Variants in HENMT1 observed in about 807,000 individuals in gnomAD.
HENMT1 encodes small RNA 2'-O-methyltransferase.
HENMT1 carries 27 observed loss-of-function variants against 31.1 expected under a neutral mutation model. The ratio of observed to expected loss-of-function variants is 0.87; its 90% CI spans 0.64 to 1.20. The LOEUF (loss-of-function observed/expected upper bound fraction) is 1.20. HENMT1 is among the 50% of genes most tolerant of loss of function. HENMT1 has a pLI of 0.00. For synonymous variants in HENMT1, 167 were observed against 172.2 expected, an observed-to-expected ratio of 0.97 and a Z score of 0.24; for missense variants, 438 against 469.6, an observed-to-expected ratio of 0.93 and a Z score of 0.62.
intron 4 of HENMT1, 71 bp downstream of exon 4, chr1:108,655,515 C>G: frequency 1.2e-6 from 1 of 840,054 alleles, no homozygotes; most frequent in East Asian, 2.9e-5. Flanking sequence ...ATAAAATCAA[C>G]ACTTTCTCTA....
chr1:108,658,042 T>C (rs1038988734), intron 2 of HENMT1, among the ~76,000 whole-genome samples: 2 of 124,594 alleles, frequency 1.6e-5, no homozygotes, highest in Non-Finnish European at 3.2e-5. Flanking sequence ...CACACACATA[T>C]ATATACACAC....
intron 2 of HENMT1, among the ~76,000 whole-genome samples, chr1:108,659,111 G>C (rs1418250074): frequency 2.0e-5 from 3 of 152,036 alleles, no homozygotes; most frequent in Non-Finnish European, 4.4e-5. Flanking sequence ...TACATATTTT[G>C]TACTTCTGCG....
chr1:108,648,621 C>G lies in HENMT1; in HGVS notation c.1127G>C (p.Gly376Ala). 1.2e-6 allele frequency: 2 copies of G among 1,614,236 alleles called. No homozygotes were observed. Among genetic ancestry groups the G allele is most frequent in the Non-Finnish European group, 1.7e-6 (2 of 1,180,022 alleles). The change falls in exon 8 of 8, where the codon GGT (glycine) becomes GCT (alanine). Residue 376 changes from glycine (G) to alanine (A), a missense_variant. Coordinates refer to ENST00000651461, the MANE Select transcript of HENMT1 (RefSeq NM_001102592.2). ...IADSIPLSSD[G>A]SAVVADLRNY... is the part of the protein sequence containing the mutation. ...ACGCAGGTCAGCCACCACTGCAGAA[C>G]CATCACTGCTCAGAGGAATTGAGTC...
intron 1 of HENMT1, among the ~76,000 whole-genome samples, 155 bp from the exon 2 acceptor site, chr1:108,660,117 T>C (rs1412554612): frequency 1.5e-5 from 1 of 68,776 alleles, no homozygotes; most frequent in Non-Finnish European, 2.8e-5. Flanking sequence ...CACCTCTGAG[T>C]ACTCAAAAAA....
At chr1:108,649,078 G>T (rs1315884429) in intron 7 of HENMT1, 87 bp from the exon 8 acceptor site, 3 of 1,088,440 alleles carry the variant, frequency 2.8e-6, no homozygotes, top group African/African-American at 3.2e-5. Context: ...TTTTTGCCAT[G>T]TAAGAATAAA....
rs768326259 is a variant in HENMT1 at position 108,659,827 on chromosome 1, T to TA, written c.21+36dup. 8.6e-6 allele frequency: 11 copies of TA among 1,285,548 alleles called. No homozygotes were observed. The South Asian group carries it at 1.2e-4, about 14-fold the overall frequency. The allele number at this position is 1,285,548 out of a possible 1,614,324, so 79.6% of individuals were successfully genotyped here. On this transcript the variant is annotated intron_variant, in intron 2 of 7. Coordinates refer to ENST00000651461, the MANE Select transcript of HENMT1 (RefSeq NM_001102592.2). ...CACAATACATCCAGGTGATAATTCT[T>TA]AAGAGTCAAAGACGCAGCTAAGAAG...
rs148735849 is a variant in HENMT1, at chr1:108,648,597, C to G, written c.1151G>C (p.Arg384Pro). 1.2e-6 allele frequency: 2 copies of G among 1,613,774 alleles called. No homozygotes were observed. The highest frequency in any genetic ancestry group is 1.7e-6 in the Non-Finnish European group (2 of 1,179,726). The change falls in exon 8 of 8, where the codon CGT becomes CCT. Residue 384 changes from arginine to proline, a missense_variant. Coordinates refer to ENST00000651461, the MANE Select transcript of HENMT1 (RefSeq NM_001102592.2). ...SDGSAVVADL[R>P]NYFDEQFEF Reference sequence around the variant, plus strand: ...CTCAAACTGTTCATCAAAATAATTACGCAGGTCAGCCACCACTGCAGAACC... The same window carrying G: ...CTCAAACTGTTCATCAAAATAATTAGGCAGGTCAGCCACCACTGCAGAACC...
upstream of HENMT1, chr1:108,661,132 G>A: frequency 2.5e-6 from 1 of 396,102 alleles, no homozygotes; most frequent in Non-Finnish European, 3.4e-6. Flanking sequence ...TACCGCCGCG[G>A]CTACGCCGGC....
intron 4 of HENMT1, 41 bp from the exon 5 acceptor site, chr1:108,654,891 A>G: frequency 6.2e-7 from 1 of 1,602,616 alleles, no homozygotes; most frequent in African/African-American, 1.3e-5. Context: ...AACATTATCT[A>G]TTTAAAAATT....
chr1:108,649,591 C>G (rs114909932), intron 7 of HENMT1, among the ~76,000 whole-genome samples: 3,626 of 152,148 alleles, frequency 0.024, 157 homozygotes, highest in African/African-American at 0.083. Flanking sequence ...ACTCCAGCCT[C>G]GGTGACAGAA....
intron 7 of HENMT1, 122 bp from the exon 8 acceptor site, chr1:108,649,113 T>TC (rs1383610958): frequency 9.6e-6 from 7 of 729,840 alleles, no homozygotes; most frequent in Non-Finnish European, 1.5e-5. Flanking sequence ...ATATGTCAGA[T>TC]CCTACTAATC....
In HENMT1 at chr1:108,658,846, A is replaced by T. The variant is rs898706263; in HGVS notation, c.21+1018T>A. Among the ~76,000 whole-genome samples, 6 of 152,328 alleles carry T rather than the reference A, an allele frequency of 3.9e-5. No individual in the cohort carries two copies. The East Asian group carries it at 1.2e-3, about 29-fold the overall frequency. On this transcript the variant is annotated intron_variant, in intron 2 of 7. Coordinates refer to ENST00000651461, the MANE Select transcript of HENMT1 (RefSeq NM_001102592.2). The stretch of plus-strand genomic sequence containing the variant: ...CCCAAGAAAAAACAGAATTTATAAG[A>T]TTAATCTGTAATAGCTGTTACTATT...
At chr1:108,653,032 C>T (rs1357340214) in intron 5 of HENMT1, among the ~76,000 whole-genome samples, 1 of 143,054 alleles carries the variant, frequency 7.0e-6, no homozygotes, top group African/African-American at 2.6e-5. Flanking sequence ...ATATACATCC[C>T]TTTTTTTTTT....
chr1:108,654,581 A>G (rs2100998957), intron 5 of HENMT1, 135 bp downstream of exon 5: 1 of 823,516 alleles, frequency 1.2e-6, no homozygotes, highest in East Asian at 2.7e-5. Flanking sequence ...AAAGCAGAGT[A>G]AAAAGATATT....
intron 2 of HENMT1, 30 bp downstream of exon 2, chr1:108,659,834 C>CA (rs776700911): frequency 6.6e-6 from 9 of 1,366,538 alleles, no homozygotes; most frequent in Non-Finnish European, 1.0e-6. Flanking sequence ...TCTTAAGAGT[C>CA]AAAGACGCAG....
At chr1:108,652,686 TG>T (rs1658090376) in intron 5 of HENMT1, among the ~76,000 whole-genome samples, 1 of 152,148 alleles carries the variant, frequency 6.6e-6, no homozygotes. Context: ...GGCTCACGCC[TG>T]TAATACCAGC....
Position 108,657,445 on chromosome 1 carries a change from A to G in HENMT1, c.150+6T>C. ...TAATTAAATGTTTGGAAAGAGAAATACCTACCTTCTTAGGCTCATGTTGAT... is the reference window on the plus strand; with the variant it reads ...TAATTAAATGTTTGGAAAGAGAAATGCCTACCTTCTTAGGCTCATGTTGAT... On this transcript the variant is annotated splice_donor_region_variant and intron_variant, in intron 3 of 7. Transcript: ENST00000651461. The G allele has an allele frequency of 6.3e-7, 1 of 1,592,790 alleles. No individual in the cohort carries two copies. The highest frequency in any genetic ancestry group is 8.6e-7 in the Non-Finnish European group (1 of 1,163,504).
chr1:108,657,987 A>G (rs1452869534), intron 2 of HENMT1, among the ~76,000 whole-genome samples: 1 of 130,474 alleles, frequency 7.7e-6, no homozygotes, highest in Non-Finnish European at 1.7e-5. Context: ...ACACACACAT[A>G]TATATACACA....
chr1:108,651,115 A>C lies in HENMT1; in HGVS notation c.493T>G (p.Ser165Ala), dbSNP rs778735047. 6.2e-7 allele frequency: 1 copy of C among 1,613,886 alleles called. No homozygotes were observed. Among genetic ancestry groups the C allele is most frequent in the South Asian group, 1.1e-5 (1 of 91,080 alleles). Residue 165 changes from serine to alanine, a missense_variant, in exon 6 of 8, where the codon TCT (serine) becomes GCT (alanine). Transcript: ENST00000651461. ...PSMIVISTPN[S>A]EFNPLFPSVT... is the part of the protein sequence containing the mutation. ...GATGGAAACAGGGGATTGAATTCAG[A>C]GTTTGGTGTGCTGATGACAATCATG... is the stretch of plus-strand genomic sequence containing the variant.
Sources: gnomAD v4.1 joint callset for allele counts (sites outside exome capture counted in the v4.1 genomes callset) on GRCh38, gnomAD v4.1.1 for gene constraint, MANE v1.5 for transcripts, NCBI Gene and HGNC (gene_info 2026-07-23, HGNC 2026-07-21) for gene names.